FAM135B: variants seen among roughly 807,000 people sequenced by gnomAD.
The protein encoded by FAM135B is family with sequence similarity 135 member B, also known as protein FAM135B.
In FAM135B, 43 loss-of-function variants were observed where a neutral mutation model predicts 127.7. The ratio of observed to expected loss-of-function variants is 0.34; its 90% CI spans 0.26 to 0.43. The LOEUF (loss-of-function observed/expected upper bound fraction) is 0.43. Ranked by LOEUF, FAM135B falls within the 20% of genes least tolerant of loss-of-function variation. The probability of loss-of-function intolerance (pLI) is 1.00; values close to 1 mark genes in which losing one functional copy is unlikely to be tolerated. For missense variants in FAM135B, 1,558 were observed against 1,725.6 expected, an observed-to-expected ratio of 0.90 and a Z score of 1.72; for synonymous variants, 670 against 665.1, an observed-to-expected ratio of 1.01 and a Z score of -0.11.
chr8:138,448,693 A>G (rs1297958921), intron 1 of FAM135B, among the ~76,000 whole-genome samples: 1 of 151,992 alleles, frequency 6.6e-6, no homozygotes, highest in East Asian at 1.9e-4. Flanking sequence ...ATCTCATATA[A>G]TAATATCATG....
chr8:138,171,858 T>C (rs1195565946), intron 11 of FAM135B, among the ~76,000 whole-genome samples: 3 of 152,192 alleles, frequency 2.0e-5, no homozygotes, highest in African/African-American at 2.4e-5. Flanking sequence ...GTTACGGGTG[T>C]GGCATGTGTG....
Position 138,177,416 on chromosome 8 carries a change from C to T in FAM135B, c.1034G>A (p.Arg345Gln), listed in dbSNP as rs187739434. ...GTAAAAGAAGGCCTCAGAAAACCTT[C>T]GGACCTGCAGAATAAAACAATGTAA... ...LTQEHHTLRV[R>Q]RFSEAFFYME... is the part of the protein sequence containing the mutation. The change falls in exon 11 of 20, where the codon CGA becomes CAA. Residue 345 changes from arginine (R) to glutamine (Q), a missense_variant. By Grantham distance (43) the Arg-to-Gln change is conservative. This residue lies in a region of FAM135B where 115 missense variants were observed against 171.1 expected (regional missense o/e 0.67). Coordinates refer to ENST00000395297, the MANE Select transcript of FAM135B (RefSeq NM_015912.4). 37 of 1,612,790 alleles carry T rather than the reference C, an allele frequency of 2.3e-5. No individual in the cohort carries two copies. The highest frequency in any genetic ancestry group is 3.3e-5 in the South Asian group (3 of 90,776).
chr8:138,245,481 CT>C (rs1272664527), intron 6 of FAM135B, among the ~76,000 whole-genome samples: 2 of 152,128 alleles, frequency 1.3e-5, no homozygotes, highest in African/African-American at 2.4e-5. Flanking sequence ...TTATAAGGGG[CT>C]TTCCCCCATT....
intron 1 of FAM135B, chr8:138,440,086 A>C (rs1219234826): frequency 6.6e-6 from 1 of 152,346 alleles, no homozygotes; most frequent in Non-Finnish European, 1.5e-5. Context: ...CAGTCTCATC[A>C]GTGAGAACTT....
At position 138,257,109 on chromosome 8, in the gene FAM135B, GCT is replaced by G. The variant is rs577057182; in HGVS notation, c.298-352_298-351del. On this transcript the variant is annotated intron_variant, in intron 4 of 19. Coordinates refer to ENST00000395297, the MANE Select transcript of FAM135B (RefSeq NM_015912.4). ...AAGAGTAAAGTGTTCTGTAGCACCT[GCT>G]CTGGGAAGGATGGAGCAGTGAACTC... 3.3e-5 allele frequency among the ~76,000 whole-genome samples: 5 copies of G among 152,244 alleles called. No individual in the cohort carries two copies. The South Asian group carries it at 8.3e-4, about 25-fold the overall frequency.
At chr8:138,254,359 G>T (rs1821919090) in intron 5 of FAM135B, among the ~76,000 whole-genome samples, 1 of 152,200 alleles carries the variant, frequency 6.6e-6, no homozygotes, top group Non-Finnish European at 1.5e-5. Context: ...TGGAGGGCAG[G>T]TTGGAGGCTG....
intron 6 of FAM135B, among the ~76,000 whole-genome samples, chr8:138,244,002 TGGG>T (rs1400488342): frequency 6.6e-6 from 1 of 152,192 alleles, no homozygotes; most frequent in Non-Finnish European, 1.5e-5. Context: ...ATCTTCACTA[TGGG>T]TGCTCAAGAA....
In FAM135B at chr8:138,150,816, A is replaced by G. The variant is rs145021388; in HGVS notation, c.3281+378T>C. On this transcript the variant is annotated intron_variant, in intron 13 of 19. Coordinates refer to ENST00000395297, the MANE Select transcript of FAM135B (RefSeq NM_015912.4). ...AATGATGATGCAAACATAGATTTAT[A>G]AACATAGAAAGATATTTCTAATATA... Among the ~76,000 whole-genome samples the G allele has an allele frequency of 1.7e-3, 252 of 152,240 alleles. 1 individual carries two copies. Among genetic ancestry groups the G allele is most frequent in the African/African-American group, 5.6e-3 (234 of 41,528 alleles).
In FAM135B at chr8:138,250,846, C is replaced by T. The variant is rs780847196; in HGVS notation, c.537G>A (p.Leu179=). The T allele has an allele frequency of 6.2e-7, 1 of 1,613,744 alleles. No individual in the cohort carries two copies. The stretch of plus-strand genomic sequence containing the variant: ...GCTGCCTCTGAACTTCATACCTGAT[C>T]AATGGCTGCTGCAGAGCCACCAGGG... ...HAALVALQQP[L]ISFTRPGRGS... The change falls in exon 6 of 20, where the codon TTG becomes TTA. Residue 179 remains leucine (L), a synonymous_variant. Transcript: ENST00000395297.
intron 2 of FAM135B, among the ~76,000 whole-genome samples, chr8:138,327,269 A>T (rs1554666140): frequency 6.6e-6 from 1 of 152,156 alleles, no homozygotes; most frequent in Admixed American, 6.6e-5. Flanking sequence ...ATTTACATTC[A>T]TTGTCACATT....
At position 138,320,438 on chromosome 8, in the gene FAM135B, A is replaced by C. The variant is rs114400037; in HGVS notation, c.78-9518T>G. 6.6e-3 allele frequency among the ~76,000 whole-genome samples: 1,005 copies of C among 152,298 alleles called. 13 individuals are homozygous for C. Among genetic ancestry groups the C allele is most frequent in the African/African-American group, 0.023 (945 of 41,552 alleles). ...CCAGGTGCTTTAACGTTATAAGCCC[A>C]CCTCAATTTCCTCATCACTCTTATC... On this transcript the variant is annotated intron_variant, in intron 2 of 19. Coordinates refer to ENST00000395297, the MANE Select transcript of FAM135B (RefSeq NM_015912.4).
At chr8:138,335,937 T>G (rs1417470740) in intron 2 of FAM135B, among the ~76,000 whole-genome samples, 2 of 152,042 alleles carry the variant, frequency 1.3e-5, no homozygotes, top group African/African-American at 4.8e-5. Context: ...AAACTAGAAC[T>G]CAGGATTAAG....
Position 138,429,977 on chromosome 8 carries a change from T to A in FAM135B, c.-19-61975A>T, listed in dbSNP as rs943141480. Among the ~76,000 whole-genome samples the A allele has an allele frequency of 2.0e-5, 3 of 152,212 alleles. No homozygotes were observed. In the East Asian group the frequency reaches 5.8e-4, roughly 29 times the overall value. On this transcript the variant is annotated intron_variant, in intron 1 of 19. Transcript: ENST00000395297. ...TTAGGCCCTATCTTTGTTGGTTTTG[T>A]TTTATGCAAAACTCTTTCTACTATG...
intron 1 of FAM135B, among the ~76,000 whole-genome samples, chr8:138,376,367 C>T (rs1327538334): frequency 6.6e-6 from 1 of 152,218 alleles, no homozygotes; most frequent in Admixed American, 6.5e-5. Context: ...GAATGCTGAT[C>T]AGCATCCTCT....
At chr8:138,435,099 A>T (rs1355807945) in intron 1 of FAM135B, among the ~76,000 whole-genome samples, 1 of 151,906 alleles carries the variant, frequency 6.6e-6, no homozygotes, top group Non-Finnish European at 1.5e-5. Flanking sequence ...CGAGGTCAGG[A>T]GTTTATGGCC....
intron 7 of FAM135B, among the ~76,000 whole-genome samples, chr8:138,216,450 A>AGACAACTG (rs2129952477): frequency 6.6e-6 from 1 of 152,286 alleles, no homozygotes; most frequent in African/African-American, 2.4e-5. Flanking sequence ...TAGTGAAGAC[A>AGACAACTG]GACAACTGTC....
intron 2 of FAM135B, among the ~76,000 whole-genome samples, chr8:138,352,016 T>G (rs771159208): frequency 9.9e-5 from 15 of 152,132 alleles, no homozygotes; most frequent in Admixed American, 5.2e-4. Flanking sequence ...AACTAAGTAC[T>G]TTTCTGACTG....
chr8:138,315,618 T>C (rs140304834), intron 2 of FAM135B, among the ~76,000 whole-genome samples: 55 of 151,444 alleles, frequency 3.6e-4, no homozygotes, highest in South Asian at 8.4e-4. Flanking sequence ...TACATATCAA[T>C]GTACACACAC....
At chr8:138,393,717 C>T (rs537162780) in intron 1 of FAM135B, among the ~76,000 whole-genome samples, 5 of 152,142 alleles carry the variant, frequency 3.3e-5, no homozygotes, top group Non-Finnish European at 7.4e-5. Flanking sequence ...TGCTTAGCAC[C>T]CCCACTGTCC....
Sources: allele counts gnomAD v4.1 joint callset (sites outside exome capture counted in the v4.1 genomes callset), GRCh38; gene constraint gnomAD v4.1.1; regional missense constraint gnomAD v4.1.1; transcripts MANE v1.5; gene names NCBI Gene and HGNC (gene_info 2026-07-23, HGNC 2026-07-21).